Variants in CLCC1 observed in about 807,000 individuals in gnomAD.
CLCC1 encodes the protein chloride channel CLIC like 1.
A neutral mutation model predicts 63.3 loss-of-function variants in CLCC1; 39 were observed. That is an observed-to-expected ratio of 0.62 (90% CI 0.48 to 0.81). The LOEUF (loss-of-function observed/expected upper bound fraction) is 0.81. Among genes scored for constraint, CLCC1 ranks in the 30% least tolerant of loss-of-function variants. The probability of loss-of-function intolerance (pLI) is 0.00; values close to 1 mark genes in which losing one functional copy is unlikely to be tolerated. For synonymous variants in CLCC1, 217 were observed against 239.8 expected (o/e 0.90, Z 0.88); for missense variants, 549 against 669.4 (o/e 0.82, Z 1.98).
chr1:108,936,955 G>T, intron 11 of CLCC1, 122 bp downstream of exon 11: 1 of 543,182 alleles, frequency 1.8e-6, no homozygotes, highest in Non-Finnish European at 2.9e-6. Flanking sequence ...AGAGTGAGTG[G>T]CTGTATCACT....
chr1:108,941,167 A>C lies in CLCC1; in HGVS notation c.796+238T>G, dbSNP rs140362832. On this transcript the variant is annotated intron_variant, in intron 8 of 12. Coordinates refer to ENST00000369969, the MANE Select transcript of CLCC1 (RefSeq NM_001377458.1). ...AGCATAGGATCCTTCACACAGTCTT[A>C]TGAAGGAAGACAGATAATATCAGAG... 1.7e-3 allele frequency among the ~76,000 whole-genome samples: 252 copies of C among 152,360 alleles called. 1 individual carries two copies. The highest frequency in any genetic ancestry group is 5.7e-3 in the African/African-American group (235 of 41,588).
chr1:108,929,672 G>A lies in CLCC1; in HGVS notation c.*2875C>T, dbSNP rs750820277. On this transcript the variant is annotated 3_prime_UTR_variant, in exon 13 of 13. Coordinates refer to ENST00000369969, the MANE Select transcript of CLCC1 (RefSeq NM_001377458.1). Reference sequence around the variant, plus strand: ...CTTGGTGCTTTCTTTCCCACAGTATGTCTTTTAATCTCTCTCATAAACTTC... The same window carrying A: ...CTTGGTGCTTTCTTTCCCACAGTATATCTTTTAATCTCTCTCATAAACTTC... The A allele has an allele frequency of 6.2e-7, 1 of 1,607,616 alleles. No individual in the cohort carries two copies. The highest frequency in any genetic ancestry group is 1.1e-5 in the South Asian group (1 of 90,940).
intron 12 of CLCC1, chr1:108,934,378 C>T: frequency 2.8e-6 from 1 of 355,532 alleles, no homozygotes; most frequent in Non-Finnish European, 5.0e-6. Flanking sequence ...AACTGGCCTC[C>T]TTAACTATCC....
At chr1:108,955,196 CA>C (rs2101708443) in intron 2 of CLCC1, among the ~76,000 whole-genome samples, 2 of 151,268 alleles carry the variant, frequency 1.3e-5, no homozygotes, top group South Asian at 4.2e-4. Context: ...AGGTCTTCTT[CA>C]GGAAGGTTAC....
In CLCC1 at chr1:108,944,041, C is replaced by T. The variant is rs1273715104; in HGVS notation, c.356G>A (p.Gly119Asp). 1 of 1,592,084 alleles carries T rather than the reference C, an allele frequency of 6.3e-7. No homozygotes were observed. The highest frequency in any genetic ancestry group is 8.5e-7 in the Non-Finnish European group (1 of 1,170,632). The change falls in exon 6 of 13, where the codon GGC (glycine) becomes GAC (aspartate). Residue 119 changes from glycine to aspartate, a missense_variant. Gly to Asp is a moderately conservative substitution (Grantham distance 94, BLOSUM62 -1). Coordinates refer to ENST00000369969, the MANE Select transcript of CLCC1 (RefSeq NM_001377458.1). Reference sequence around the variant, plus strand: ...AATCTCAGCATCATAATGCATATCGCCTTTGTTTTCATCAGGCTAAATTAA... The same window carrying T: ...AATCTCAGCATCATAATGCATATCGTCTTTGTTTTCATCAGGCTAAATTAA... ...GKLGLPDENK[G>D]DMHYDAEIIL...
intron 1 of CLCC1, among the ~76,000 whole-genome samples, chr1:108,962,730 G>A (rs1335263403): frequency 6.6e-6 from 1 of 152,130 alleles, no homozygotes; most frequent in Non-Finnish European, 1.5e-5. Context: ...AATTAGCCGG[G>A]CCTGGTGGCG....
intron 2 of CLCC1, among the ~76,000 whole-genome samples, chr1:108,958,685 C>T (rs1393970943): frequency 6.7e-6 from 1 of 149,062 alleles, no homozygotes; most frequent in African/African-American, 2.5e-5. Flanking sequence ...TCAAGACCAG[C>T]GTGGCCAACA....
chr1:108,961,567 T>C (rs1009693310), intron 2 of CLCC1, among the ~76,000 whole-genome samples: 9 of 152,134 alleles, frequency 5.9e-5, no homozygotes, highest in Non-Finnish European at 1.2e-4. Context: ...ATATGTATAA[T>C]AGTAGCTAAA....
At chr1:108,936,809 G>A (rs1366740358) in intron 11 of CLCC1, among the ~76,000 whole-genome samples, 1 of 152,126 alleles carries the variant, frequency 6.6e-6, no homozygotes, top group Non-Finnish European at 1.5e-5. Flanking sequence ...ATGCTCATAC[G>A]CTGGCTTCCC....
At chr1:108,944,909 G>A (rs112330393) in intron 5 of CLCC1, among the ~76,000 whole-genome samples, 2,908 of 152,264 alleles carry the variant, frequency 0.019, 89 homozygotes, top group African/African-American at 0.065. Context: ...GATTACAGGC[G>A]TGAGCCACTG....
intron 2 of CLCC1, 37 bp from the exon 3 acceptor site, chr1:108,950,485 T>A: frequency 1.7e-6 from 2 of 1,187,024 alleles, no homozygotes; most frequent in Non-Finnish European, 2.2e-6. Flanking sequence ...GAAATAGAAT[T>A]ATTTTTTTAA....
At chr1:108,933,466 G>A (rs1652342018) in intron 12 of CLCC1, 1 of 150,744 alleles carries the variant, frequency 6.6e-6, no homozygotes, top group Non-Finnish European at 1.5e-5. Context: ...TTACAGGCAC[G>A]TAAGTAACAC....
chr1:108,954,010 CAAAAAAAAA>C lies in CLCC1; in HGVS notation c.-11-3571_-11-3563del, dbSNP rs11463360. 4.3e-3 allele frequency among the ~76,000 whole-genome samples: 417 copies of C among 98,028 alleles called. 21 individuals are homozygous for C. The highest frequency in any genetic ancestry group is 0.016 in the African/African-American group (399 of 24,344). The allele number at this position is 98,028 out of a possible 152,430, so 64.3% of individuals were successfully genotyped here. A position where few individuals can be genotyped will look rare whatever the true frequency, so the allele number is the denominator to read the frequency against. On this transcript the variant is annotated intron_variant, in intron 2 of 12. Transcript: ENST00000369969. ...GGGCAACCAGAGTGAAACTCCGTCT[CAAAAAAAAA>C]AAAAAAAAACACATCCGACTGGAGA...
rs538348012 is a variant in CLCC1, at chr1:108,929,606, A to T, written c.*2941T>A. On this transcript the variant is annotated 3_prime_UTR_variant, in exon 13 of 13. Transcript: ENST00000369969. ...TCTGAGAAGCCCCAAATAAAAGTTT[A>T]CAACTGCGTTTTCTTGTTGTGACTG... 6.6e-5 allele frequency: 75 copies of T among 1,141,508 alleles called. No individual in the cohort carries two copies. Among genetic ancestry groups the T allele is most frequent in the Non-Finnish European group, 9.0e-5 (68 of 757,082 alleles). The allele number at this position is 1,141,508 out of a possible 1,614,324, so 70.7% of individuals were successfully genotyped here. A position where few individuals can be genotyped will look rare whatever the true frequency, so the allele number is the denominator to read the frequency against.
At chr1:108,942,856 A>G (rs1654016189) in intron 7 of CLCC1, among the ~76,000 whole-genome samples, 1 of 152,228 alleles carries the variant, frequency 6.6e-6, no homozygotes, top group African/African-American at 2.4e-5. Flanking sequence ...ACATAGAATG[A>G]CATACTCTAA....
In CLCC1 at chr1:108,929,794, C is replaced by T. The variant is rs189033496; in HGVS notation, c.*2753G>A. On this transcript the variant is annotated 3_prime_UTR_variant, in exon 13 of 13. Transcript: ENST00000369969. Reference sequence around the variant, plus strand: ...TGAAGACTTTTTCAGCCTTATTTTACGGTCCCAGGGAAAGAGAATGGATGA... The same window carrying T: ...TGAAGACTTTTTCAGCCTTATTTTATGGTCCCAGGGAAAGAGAATGGATGA... 6.6e-5 allele frequency: 106 copies of T among 1,613,796 alleles called. No individual in the cohort carries two copies. In the East Asian group the frequency reaches 2.0e-3, roughly 30 times the overall value.
chr1:108,952,477 GT>G (rs1226775413), intron 2 of CLCC1, among the ~76,000 whole-genome samples: 8 of 150,456 alleles, frequency 5.3e-5, no homozygotes, highest in African/African-American at 1.2e-4. Context: ...GGCCCCCCCT[GT>G]TTTTTTTTAA....
At chr1:108,939,369 C>CGAT (rs1339089651) in intron 10 of CLCC1, among the ~76,000 whole-genome samples, 5 of 146,560 alleles carry the variant, frequency 3.4e-5, no homozygotes, top group Non-Finnish European at 7.5e-5. Context: ...TACAGTGGTG[C>CGAT]GATCTCGGCT....
At chr1:108,950,020 A>G in intron 3 of CLCC1, 99 bp from the exon 4 acceptor site, 1 of 767,508 alleles carries the variant, frequency 1.3e-6, no homozygotes, top group Non-Finnish European at 2.1e-6. Context: ...TCATTTCATG[A>G]CTCTGCATGT....
Sources: allele counts gnomAD v4.1 joint callset (sites outside exome capture counted in the v4.1 genomes callset), GRCh38; gene constraint gnomAD v4.1.1; transcripts MANE v1.5; gene names NCBI Gene and HGNC (gene_info 2026-07-23, HGNC 2026-07-21).